RBFOX1: variants seen among roughly 807,000 people sequenced by gnomAD.
RBFOX1 encodes the protein RNA binding fox-1 homolog 1, also known as RNA binding protein fox-1 homolog 1.
RBFOX1 carries 8 observed loss-of-function variants against 57.7 expected under a neutral mutation model. The observed-to-expected ratio is 0.14, with a 90% CI of 0.08 to 0.25. RBFOX1 has a LOEUF of 0.25. RBFOX1 is among the 10% of genes least tolerant of loss of function. The pLI, the probability that RBFOX1 is intolerant of heterozygous loss-of-function variation, is 1.00. For missense variants in RBFOX1, 611 were observed against 548.5 expected (o/e 1.11, Z -1.14); for synonymous variants, 326 against 222.4 (o/e 1.47, Z -4.15).
chr16:6,297,075 TG>T (rs1278708230), intron 1 of RBFOX1, among the ~76,000 whole-genome samples: 1 of 152,208 alleles, frequency 6.6e-6, no homozygotes, highest in Non-Finnish European at 1.5e-5. Flanking sequence ...TTCCTAATGT[TG>T]CCATGGCATT....
rs553894232 is a variant in RBFOX1 at position 7,112,330 on chromosome 16, G to A, written c.27+60232G>A. Among the ~76,000 whole-genome samples, 26 of 151,562 alleles carry A rather than the reference G, an allele frequency of 1.7e-4. No homozygotes were observed. In the South Asian group the frequency reaches 5.4e-3, roughly 32 times the overall value. On this transcript the variant is annotated intron_variant, in intron 4 of 15. Coordinates refer to ENST00000550418, the MANE Select transcript of RBFOX1 (RefSeq NM_018723.4). ...TGATCCTCCAGCCTCAGACTCCAAA[G>A]TATCTGGGACTACAGGCACATGCCA...
At chr16:6,556,859 C>T (rs1482009347) in intron 2 of RBFOX1, among the ~76,000 whole-genome samples, 1 of 151,824 alleles carries the variant, frequency 6.6e-6, no homozygotes, top group East Asian at 1.9e-4. Context: ...AGACTGGTGA[C>T]TGTCTTCTGA....
chr16:5,603,595 C>A (rs2047441528), downstream of RBFOX1, among the ~76,000 whole-genome samples: 1 of 152,168 alleles, frequency 6.6e-6, no homozygotes, highest in South Asian at 2.1e-4. Flanking sequence ...TGTTGGAGAC[C>A]AATCTTTCTG....
In RBFOX1 at chr16:7,217,292, C is replaced by CTTTTTTT. The variant is rs71147672; in HGVS notation, c.27+165206_27+165212dup. 2.9e-5 allele frequency among the ~76,000 whole-genome samples: 3 copies of CTTTTTTT among 104,076 alleles called. 1 individual carries two copies. The highest frequency in any genetic ancestry group is 1.3e-4 in the Admixed American group (1 of 7,702). The allele number at this position is 104,076 out of a possible 152,430, so 68.3% of individuals were successfully genotyped here. A position where few individuals can be genotyped will look rare whatever the true frequency, so the allele number is the denominator to read the frequency against. Reference sequence around the variant, plus strand: ...AATTATCTTTTTTTTTCTTATTCTTCTTTTTTTTTTTTTTTTTTAGTAGAG... The same window carrying CTTTTTTT: ...AATTATCTTTTTTTTTCTTATTCTTCTTTTTTTTTTTTTTTTTTTTTTTTTAGTAGAG... On this transcript the variant is annotated intron_variant, in intron 4 of 15. Transcript: ENST00000550418.
chr16:5,828,097 C>T (rs2056138000), intron 3 of RBFOX1, among the ~76,000 whole-genome samples: 1 of 151,954 alleles, frequency 6.6e-6, no homozygotes, highest in Non-Finnish European at 1.5e-5. Context: ...AGCCTGCCTT[C>T]TGTCTAACCA....
At chr16:6,840,477 C>A (rs748861164) in intron 3 of RBFOX1, among the ~76,000 whole-genome samples, 6 of 152,080 alleles carry the variant, frequency 3.9e-5, no homozygotes, top group African/African-American at 1.4e-4. Flanking sequence ...ATGTTCATGT[C>A]CCCCTAAATT....
At chr16:5,793,284 CT>C (rs1349309368) in intron 3 of RBFOX1, among the ~76,000 whole-genome samples, 1 of 152,246 alleles carries the variant, frequency 6.6e-6, no homozygotes, top group Non-Finnish European at 1.5e-5. Flanking sequence ...TGCTTCTCCC[CT>C]GGCCCGCCTC....
chr16:5,464,686 C>G (rs1018989085), intron 1 of RBFOX1, among the ~76,000 whole-genome samples: 1 of 152,166 alleles, frequency 6.6e-6, no homozygotes, highest in African/African-American at 2.4e-5. Context: ...AGCATTCAGC[C>G]CAGCTGTGGA....
intron 1 of RBFOX1, among the ~76,000 whole-genome samples, chr16:5,395,815 T>G (rs1412366547): frequency 6.6e-6 from 1 of 152,212 alleles, no homozygotes; most frequent in Non-Finnish European, 1.5e-5. Flanking sequence ...ATGCGGCCAT[T>G]TGGGAGAAGC....
intron 1 of RBFOX1, among the ~76,000 whole-genome samples, chr16:6,218,959 A>C (rs1217302795): frequency 6.6e-6 from 1 of 152,164 alleles, no homozygotes; most frequent in Non-Finnish European, 1.5e-5. Context: ...TCAACATAAA[A>C]GCATAATAGT....
chr16:6,458,296 C>T lies in RBFOX1; in HGVS notation c.-64+141239C>T, dbSNP rs149828012. 2.4e-3 allele frequency among the ~76,000 whole-genome samples: 260 copies of T among 108,736 alleles called. 1 individual carries two copies. The highest frequency in any genetic ancestry group is 7.7e-3 in the African/African-American group (235 of 30,390). 71.3% of individuals were successfully genotyped at this position (108,736 alleles called of 152,430 possible). On this transcript the variant is annotated intron_variant, in intron 2 of 15. Coordinates refer to ENST00000550418, the MANE Select transcript of RBFOX1 (RefSeq NM_018723.4). ...GCCTGCTGGTTAAGGATCTGTGGGA[C>T]TACCTGTGTTCTCAGTCTGGCTGTA...
At chr16:5,456,971 A>C (rs1008927970) in intron 1 of RBFOX1, among the ~76,000 whole-genome samples, 3 of 152,164 alleles carry the variant, frequency 2.0e-5, no homozygotes, top group Non-Finnish European at 2.9e-5. Flanking sequence ...AATATGGGTG[A>C]AGTGGCTTAA....
At chr16:7,440,915 T>C (rs1451277945) in intron 4 of RBFOX1, among the ~76,000 whole-genome samples, 1 of 152,124 alleles carries the variant, frequency 6.6e-6, no homozygotes, top group Non-Finnish European at 1.5e-5. Context: ...TGTGCACAAA[T>C]GTAGTCCTAG....
At chr16:6,690,781 G>A (rs1348843309) in intron 3 of RBFOX1, among the ~76,000 whole-genome samples, 3 of 131,804 alleles carry the variant, frequency 2.3e-5, no homozygotes, top group African/African-American at 6.0e-5. Flanking sequence ...TTTAACTTTA[G>A]AAGTACCATG....
At chr16:7,587,389 G>A (rs2094186191) in intron 7 of RBFOX1, 89 bp downstream of exon 7, 1 of 1,270,500 alleles carries the variant, frequency 7.9e-7, no homozygotes, top group East Asian at 2.8e-5. Flanking sequence ...GTCTTAATCA[G>A]CTCATTGTGA....
chr16:5,632,742 C>A (rs2048556334), intron 3 of RBFOX1, among the ~76,000 whole-genome samples: 1 of 152,148 alleles, frequency 6.6e-6, no homozygotes, highest in East Asian at 1.9e-4. Context: ...CTGTCCCGCA[C>A]ATGCTGCTGT....
At chr16:5,460,689 C>G (rs1165604901) in intron 1 of RBFOX1, among the ~76,000 whole-genome samples, 1 of 152,200 alleles carries the variant, frequency 6.6e-6, no homozygotes, top group Non-Finnish European at 1.5e-5. Flanking sequence ...CTTTAGATAT[C>G]AAAAGGGCTG....
At chr16:6,166,975 A>C (rs573681002) in intron 1 of RBFOX1, among the ~76,000 whole-genome samples, 1 of 151,882 alleles carries the variant, frequency 6.6e-6, no homozygotes, top group Non-Finnish European at 1.5e-5. Flanking sequence ...GGGTTTCACT[A>C]TATTGGCTAG....
At chr16:5,287,052 C>A (rs886073463) in intron 1 of RBFOX1, among the ~76,000 whole-genome samples, 1 of 152,170 alleles carries the variant, frequency 6.6e-6, no homozygotes, top group African/African-American at 2.4e-5. Flanking sequence ...TGCCTGTAAT[C>A]CTAGCACTTT....
Sources: gnomAD v4.1 joint callset for allele counts (sites outside exome capture counted in the v4.1 genomes callset) on GRCh38, gnomAD v4.1.1 for gene constraint, MANE v1.5 for transcripts, NCBI Gene and HGNC (gene_info 2026-07-23, HGNC 2026-07-21) for gene names.